CEP192: variants seen among roughly 807,000 people sequenced by gnomAD.
The protein encoded by CEP192 is centrosomal protein of 192 kDa.
Under a neutral mutation model 271.8 loss-of-function variants are expected in CEP192, and 151 were observed. The observed-to-expected ratio is 0.56, with a 90% CI of 0.49 to 0.64. The LOEUF is 0.64. Among genes scored for constraint, CEP192 ranks in the 30% least tolerant of loss-of-function variants. CEP192 has a pLI of 0.00. For synonymous variants in CEP192, 995 were observed against 1,076.5 expected (o/e 0.92, Z 1.48); for missense variants, 2,910 against 3,020.5 (o/e 0.96, Z 0.86).
rs1683554875 is a variant in CEP192, at chr18:13,059,244, A to G, written c.4420A>G (p.Ile1474Val). The change falls in exon 21 of 45, where the codon ATC (isoleucine) becomes GTC (valine). Residue 1474 changes from isoleucine (I) to valine (V), a missense_variant. Ile to Val is a conservative substitution (Grantham distance 29, BLOSUM62 3). Coordinates refer to ENST00000506447, the MANE Select transcript of CEP192 (RefSeq NM_032142.4). ...GCCATGTTCGACAGATGCTGAGACC[A>G]TCGTACAGGCAGAAGCTTTGGCCAG... is the stretch of plus-strand genomic sequence containing the variant. ...SWPCSTDAET[I>V]VQAEALASTV... 1 of 1,614,178 alleles carries G rather than the reference A, an allele frequency of 6.2e-7. No individual in the cohort carries two copies. Among genetic ancestry groups the G allele is most frequent in the Non-Finnish European group, 8.5e-7 (1 of 1,180,026 alleles).
chr18:13,088,413 C>G (rs1447443130), intron 32 of CEP192, among the ~76,000 whole-genome samples: 1 of 152,162 alleles, frequency 6.6e-6, no homozygotes, highest in Non-Finnish European at 1.5e-5. Context: ...GCACTCCAGC[C>G]TTGGTGACAG....
At chr18:13,079,230 G>A (rs928702328) in intron 30 of CEP192, among the ~76,000 whole-genome samples, 3 of 152,142 alleles carry the variant, frequency 2.0e-5, no homozygotes, top group African/African-American at 7.2e-5. Context: ...CACAATGATT[G>A]AACTAGTTTA....
At chr18:12,996,911 T>C (rs1403445515) in intron 1 of CEP192, among the ~76,000 whole-genome samples, 1 of 151,798 alleles carries the variant, frequency 6.6e-6, no homozygotes, top group East Asian at 1.9e-4. Context: ...CAGGAGAGGA[T>C]GGGAGTGGAA....
At position 13,095,557 on chromosome 18, in the gene CEP192, A is replaced by C; in HGVS notation, c.6309A>C (p.Pro2103=). 1 of 1,614,192 alleles carries C rather than the reference A, an allele frequency of 6.2e-7. No individual in the cohort carries two copies. The highest frequency in any genetic ancestry group is 8.5e-7 in the Non-Finnish European group (1 of 1,180,022). Reference sequence around the variant, plus strand: ...GCAACGTCTCTTTGGATGTTTTACCAGTCAAAGGTCCTCAGGGTTCTCCTC... The same window carrying C: ...GCAACGTCTCTTTGGATGTTTTACCCGTCAAAGGTCCTCAGGGTTCTCCTC... ...HGGNVSLDVL[P]VKGPQGSPLL... The change falls in exon 35 of 45, where the codon CCA becomes CCC. Residue 2103 remains proline, a synonymous_variant. Coordinates refer to ENST00000506447, the MANE Select transcript of CEP192 (RefSeq NM_032142.4).
chr18:13,123,632 C>T lies in CEP192; in HGVS notation c.7476-1000C>T, dbSNP rs138671524. Among the ~76,000 whole-genome samples the T allele has an allele frequency of 1.9e-3, 286 of 152,214 alleles. 2 individuals are homozygous for T. Among genetic ancestry groups the T allele is most frequent in the African/African-American group, 6.3e-3 (262 of 41,530 alleles). ...TGAGCTCAGAACTTTCACTTAAAAA[C>T]GCCTAAGCCTAGACGTTGATGACAT... is the stretch of plus-strand genomic sequence containing the variant. On this transcript the variant is annotated intron_variant, in intron 44 of 44. Coordinates refer to ENST00000506447, the MANE Select transcript of CEP192 (RefSeq NM_032142.4).
chr18:13,073,028 C>A lies in CEP192; in HGVS notation c.5459C>A (p.Ser1820Ter). The A allele has an allele frequency of 2.5e-6, 4 of 1,608,878 alleles. No individual in the cohort carries two copies. Among genetic ancestry groups the A allele is most frequent in the Non-Finnish European group, 3.4e-6 (4 of 1,178,488 alleles). ...TTGTAGCTTCAGAACACTTTTGGTT[C>A]AGAACAGCGATTGACCAGTAACTGT... The part of the protein sequence containing the change: ...DCFQLQNTFG[S>*]EQRLTSNCEI... Residue 1820 changes from serine to a stop codon, truncating the protein, a stop_gained, in exon 30 of 45, where the codon TCA becomes TAA. Transcript: ENST00000506447. LOFTEE classifies it high-confidence loss of function.
chr18:13,071,007 G>A, intron 27 of CEP192, 32 bp from the exon 28 acceptor site: 1 of 1,582,922 alleles, frequency 6.3e-7, no homozygotes, highest in Non-Finnish European at 8.7e-7. Flanking sequence ...ATTGAATACA[G>A]GACCTTCAAC....
intron 38 of CEP192, among the ~76,000 whole-genome samples, chr18:13,101,857 A>T (rs879787970): frequency 6.6e-6 from 1 of 151,444 alleles, no homozygotes; most frequent in Non-Finnish European, 1.5e-5. Context: ...CAGCCCGCCC[A>T]TGCCCCTCTC....
chr18:13,122,509 A>G (rs1598664731), intron 44 of CEP192, among the ~76,000 whole-genome samples: 1 of 152,196 alleles, frequency 6.6e-6, no homozygotes, highest in Non-Finnish European at 1.5e-5. Flanking sequence ...TGAACCAGGG[A>G]AACAGAGGTT....
chr18:12,995,755 G>T (rs1330320083), intron 1 of CEP192, among the ~76,000 whole-genome samples: 1 of 152,244 alleles, frequency 6.6e-6, no homozygotes, highest in Non-Finnish European at 1.5e-5. Context: ...GGTTGAGGAG[G>T]CAAGGCCTGA....
chr18:13,066,207 G>C (rs2037690390), intron 21 of CEP192, among the ~76,000 whole-genome samples: 2 of 152,066 alleles, frequency 1.3e-5, no homozygotes, highest in African/African-American at 4.8e-5. Flanking sequence ...AGTTTTTACA[G>C]TCCCAACATT....
intron 33 of CEP192, 93 bp from the exon 34 acceptor site, chr18:13,092,284 T>A (rs1283626199): frequency 6.8e-6 from 6 of 881,512 alleles, no homozygotes; most frequent in Non-Finnish European, 1.0e-5. Flanking sequence ...AGGAAACTAA[T>A]ATTCTATAGC....
intron 30 of CEP192, among the ~76,000 whole-genome samples, chr18:13,074,751 C>T (rs1446364522): frequency 3.3e-5 from 5 of 152,176 alleles, no homozygotes; most frequent in Non-Finnish European, 7.3e-5. Context: ...ATTAACATTG[C>T]TGTGCCTTTG....
chr18:13,124,084 T>C (rs1489492749), intron 44 of CEP192, among the ~76,000 whole-genome samples: 1 of 152,068 alleles, frequency 6.6e-6, no homozygotes, highest in East Asian at 1.9e-4. Flanking sequence ...TGCTTGAATC[T>C]GGGAGGTAGA....
chr18:13,040,637 A>G (rs374215755), intron 13 of CEP192, among the ~76,000 whole-genome samples, 193 bp from the exon 14 acceptor site: 7 of 152,170 alleles, frequency 4.6e-5, no homozygotes, highest in African/African-American at 1.7e-4. Flanking sequence ...TAATGGTTAA[A>G]AGGTAGCTAG....
chr18:13,039,722 A>G (rs1257653168), intron 13 of CEP192, among the ~76,000 whole-genome samples: 1 of 152,198 alleles, frequency 6.6e-6, no homozygotes, highest in Non-Finnish European at 1.5e-5. Context: ...GGAAGTGCTT[A>G]GAGGCACAGG....
chr18:13,060,094 T>G (rs754930727), intron 21 of CEP192, among the ~76,000 whole-genome samples: 2 of 152,238 alleles, frequency 1.3e-5, no homozygotes, highest in Non-Finnish European at 2.9e-5. Context: ...GGATATGCCC[T>G]GAGAAATGTG....
Position 13,057,630 on chromosome 18 carries a change from G to A in CEP192, c.4154G>A (p.Cys1385Tyr). 6.2e-7 allele frequency: 1 copy of A among 1,614,162 alleles called. No homozygotes were observed. Among genetic ancestry groups the A allele is most frequent in the Non-Finnish European group, 8.5e-7 (1 of 1,180,008 alleles). The change falls in exon 20 of 45, where the codon TGT (cysteine) becomes TAT (tyrosine). Residue 1385 changes from cysteine (C) to tyrosine (Y), a missense_variant. Transcript: ENST00000506447. ...PEELKLPHAC[C>Y]VGIASQTLLS... Reference sequence around the variant, plus strand: ...GAGTTGAAGCTTCCTCATGCTTGCTGTGTCGGGATCGCTTCCCAGACCCTC... The same window carrying A: ...GAGTTGAAGCTTCCTCATGCTTGCTATGTCGGGATCGCTTCCCAGACCCTC...
Position 13,029,715 on chromosome 18 carries a change from A to G in CEP192, c.1103A>G (p.Lys368Arg). The G allele has an allele frequency of 1.3e-6, 2 of 1,551,186 alleles. No homozygotes were observed. Among genetic ancestry groups the G allele is most frequent in the Non-Finnish European group, 1.7e-6 (2 of 1,146,640 alleles). ...AAGACCCTCAGGGCTATTGATGTGA[A>G]ACTTAACTCTGATAATTTTCATGAT... ...LVKTLRAIDV[K>R]LNSDNFHDAN... is the part of the protein sequence containing the mutation. The change falls in exon 10 of 45, where the codon AAA becomes AGA. Residue 368 changes from lysine to arginine, a missense_variant. Physicochemically the swap from Lys to Arg is conservative, Grantham distance 26 (BLOSUM62 2). Transcript: ENST00000506447.
Sources: gnomAD v4.1 joint callset for allele counts (sites outside exome capture counted in the v4.1 genomes callset) on GRCh38, gnomAD v4.1.1 for gene constraint, MANE v1.5 for transcripts, NCBI Gene and HGNC (gene_info 2026-07-23, HGNC 2026-07-21) for gene names.